THRAP3: variants seen among roughly 807,000 people sequenced by gnomAD.
THRAP3 encodes the protein thyroid hormone receptor-associated protein 3.
A neutral mutation model predicts 101.0 loss-of-function variants in THRAP3; 16 were observed. The ratio of observed to expected loss-of-function variants is 0.16; its 90% confidence interval spans 0.11 to 0.24. THRAP3 has a LOEUF of 0.24. Ranked by LOEUF, THRAP3 falls within the 10% of genes least tolerant of loss-of-function variation. THRAP3 has a pLI of 1.00. For missense variants in THRAP3, 989 were observed against 1,202.7 expected, an observed-to-expected ratio of 0.82 and a Z score of 2.63; for synonymous variants, 407 against 422.6, an observed-to-expected ratio of 0.96 and a Z score of 0.45.
Position 36,289,515 on chromosome 1 carries a change from C to G in THRAP3, c.1496C>G (p.Ser499Cys). 1 of 1,613,876 alleles carries G rather than the reference C, an allele frequency of 6.2e-7. No individual in the cohort carries two copies. Among genetic ancestry groups the G allele is most frequent in the Non-Finnish European group, 8.5e-7 (1 of 1,179,968 alleles). Residue 499 changes from serine to cysteine, a missense_variant, in exon 5 of 12, where the codon TCC becomes TGC. Coordinates refer to ENST00000354618, the MANE Select transcript of THRAP3 (RefSeq NM_005119.4). ...GAGGAGGAGTCTTTCCCAGAGAGAT[C>G]CAAAAAGGAAGATCGGGGCAAGAGA... ...ELEEESFPER[S>C]KKEDRGKRSE...
At chr1:36,232,836 G>C (rs1479005385) in intron 1 of THRAP3, among the ~76,000 whole-genome samples, 3 of 151,862 alleles carry the variant, frequency 2.0e-5, no homozygotes, top group Non-Finnish European at 4.4e-5. Flanking sequence ...TGGTCGTGGT[G>C]GTGGTTACAC....
intron 2 of THRAP3, among the ~76,000 whole-genome samples, chr1:36,260,289 T>C (rs1044950852): frequency 6.6e-6 from 1 of 151,998 alleles, no homozygotes; most frequent in African/African-American, 2.4e-5. Context: ...AAAAACACTA[T>C]AGTAGACATA....
At chr1:36,234,874 G>A (rs1208234718) in intron 1 of THRAP3, among the ~76,000 whole-genome samples, 1 of 144,988 alleles carries the variant, frequency 6.9e-6, no homozygotes, top group Admixed American at 7.3e-5. Flanking sequence ...GCGTGCAGTG[G>A]CACGATCTTG....
intron 2 of THRAP3, among the ~76,000 whole-genome samples, chr1:36,261,546 A>G (rs774304305): frequency 1.9e-4 from 29 of 152,200 alleles, no homozygotes; most frequent in Non-Finnish European, 3.7e-4. Context: ...AAAAGTAAAA[A>G]TAAAATAAAA....
At chr1:36,253,387 G>T (rs1645332490) in intron 1 of THRAP3, among the ~76,000 whole-genome samples, 1 of 152,174 alleles carries the variant, frequency 6.6e-6, no homozygotes, top group Non-Finnish European at 1.5e-5. Flanking sequence ...ATGCATTAAG[G>T]TTGGAAATAT....
In THRAP3 at chr1:36,300,870, T is replaced by A; in HGVS notation, c.2304-16T>A. On this transcript the variant is annotated splice_polypyrimidine_tract_variant and intron_variant, in intron 9 of 11. Transcript: ENST00000354618. ...TAGAAAGATGATTGATCACCCTGGC[T>A]CTTCTCTTTTCACAGGAAGCATCGG... 6.2e-7 allele frequency: 1 copy of A among 1,612,220 alleles called. No homozygotes were observed. Among genetic ancestry groups the A allele is most frequent in the Non-Finnish European group, 8.5e-7 (1 of 1,179,734 alleles).
chr1:36,210,870 T>G, the THRAP3 span, among the ~76,000 whole-genome samples: 1 of 147,532 alleles, frequency 6.8e-6, no homozygotes, highest in Non-Finnish European at 1.5e-5. Flanking sequence ...ATCCAGAGAC[T>G]GTGATTTGCT....
rs78009815 is a variant in THRAP3, at chr1:36,273,417, A to G, written c.-31-9116A>G. Among the ~76,000 whole-genome samples the G allele has an allele frequency of 9.6e-3, 1,462 of 152,290 alleles. 16 individuals carry two copies. The highest frequency in any genetic ancestry group is 0.034 in the African/African-American group (1,402 of 41,560). The stretch of plus-strand genomic sequence containing the variant: ...AAAAATAGTCAACAAAGTAGAAGGG[A>G]ATTTCCTCAATATGATAAAGGGCAT... On this transcript the variant is annotated intron_variant, in intron 2 of 11. Coordinates refer to ENST00000354618, the MANE Select transcript of THRAP3 (RefSeq NM_005119.4).
At chr1:36,234,220 G>C (rs1202818310) in intron 1 of THRAP3, among the ~76,000 whole-genome samples, 2 of 152,120 alleles carry the variant, frequency 1.3e-5, no homozygotes, top group Non-Finnish European at 2.9e-5. Flanking sequence ...ACAGATGTGA[G>C]CCACCACACC....
chr1:36,219,709 C>A (rs1284327732), upstream of THRAP3, among the ~76,000 whole-genome samples: 1 of 151,934 alleles, frequency 6.6e-6, no homozygotes, highest in Non-Finnish European at 1.5e-5. Flanking sequence ...GGATTACAGG[C>A]GTGAGCCTCC....
intron 2 of THRAP3, among the ~76,000 whole-genome samples, chr1:36,276,820 G>A (rs1407598699): frequency 3.3e-5 from 5 of 152,016 alleles, no homozygotes; most frequent in Non-Finnish European, 7.3e-5. Context: ...TCACGCCACT[G>A]CACTCTAGCC....
intron 2 of THRAP3, among the ~76,000 whole-genome samples, chr1:36,273,974 T>C (rs1469764311): frequency 2.0e-5 from 3 of 147,638 alleles, no homozygotes; most frequent in Non-Finnish European, 4.5e-5. Context: ...ACCCAGGAGG[T>C]GGAGGCTGCA....
At chr1:36,288,919 G>A (rs559339158) in intron 4 of THRAP3, 141 bp from the exon 5 acceptor site, 34 of 1,308,274 alleles carry the variant, frequency 2.6e-5, no homozygotes, top group African/African-American at 4.6e-5. Flanking sequence ...CGAAGTAACC[G>A]CCTAGAAAGT....
At chr1:36,224,812 C>G (rs1200739591) in intron 1 of THRAP3, among the ~76,000 whole-genome samples, 1 of 152,202 alleles carries the variant, frequency 6.6e-6, no homozygotes, top group Non-Finnish European at 1.5e-5. Context: ...CCCTACTCCT[C>G]CCGTTTTGGT....
chr1:36,267,385 C>A (rs1405165035), intron 2 of THRAP3, among the ~76,000 whole-genome samples: 1 of 152,118 alleles, frequency 6.6e-6, no homozygotes, highest in African/African-American at 2.4e-5. Flanking sequence ...GTCAGCAATA[C>A]AGCTGTTCCG....
intron 1 of THRAP3, among the ~76,000 whole-genome samples, chr1:36,249,105 C>T (rs563362535): frequency 6.6e-6 from 1 of 151,736 alleles, no homozygotes; most frequent in Admixed American, 6.6e-5. Context: ...CCAGGCTGGT[C>T]TCAAACTCCA....
intron 3 of THRAP3, among the ~76,000 whole-genome samples, chr1:36,284,525 C>G (rs961304184): frequency 6.6e-6 from 1 of 152,172 alleles, no homozygotes; most frequent in Non-Finnish European, 1.5e-5. Flanking sequence ...AAGTATCTAT[C>G]CAGAGAGTTT....
chr1:36,219,868 A>G (rs550466262), upstream of THRAP3, among the ~76,000 whole-genome samples: 63 of 152,314 alleles, frequency 4.1e-4, no homozygotes, highest in African/African-American at 1.5e-3. Context: ...TTTCAGGCTA[A>G]TGCAGCTGGT....
intron 1 of THRAP3, among the ~76,000 whole-genome samples, chr1:36,248,329 G>C (rs1253749279): frequency 6.6e-6 from 1 of 151,924 alleles, no homozygotes; most frequent in Middle Eastern, 3.2e-3. Context: ...TTGTAGAGAT[G>C]GGGGTCTTGG....
Sources: gnomAD v4.1 joint callset for allele counts (sites outside exome capture counted in the v4.1 genomes callset) on GRCh38, gnomAD v4.1.1 for gene constraint, MANE v1.5 for transcripts, NCBI Gene and HGNC (gene_info 2026-07-23, HGNC 2026-07-21) for gene names.